SH3BP2: variants seen among roughly 807,000 people sequenced by gnomAD.
SH3BP2 encodes the protein SH3 domain binding protein 2.
SH3BP2 carries 38 observed loss-of-function variants against 56.2 expected under a neutral mutation model. The observed-to-expected ratio is 0.68, with a 90% CI of 0.52 to 0.89. The LOEUF (loss-of-function observed/expected upper bound fraction) is 0.89, where lower values mean the gene tolerates loss of function less well. SH3BP2 is among the 40% of genes least tolerant of loss of function. The pLI, the probability that SH3BP2 is intolerant of heterozygous loss-of-function variation, is 0.00. For synonymous variants in SH3BP2, 346 were observed against 316.7 expected, an observed-to-expected ratio of 1.09 and a Z score of -0.98; for missense variants, 748 against 762.6, an observed-to-expected ratio of 0.98 and a Z score of 0.23.
chr4:2,793,475 G>A (rs1199989484), intron 1 of SH3BP2, among the ~76,000 whole-genome samples: 1 of 151,276 alleles, frequency 6.6e-6, no homozygotes, highest in Non-Finnish European at 1.5e-5. Context: ...ACGGGGCCTG[G>A]GCACGGCGGG....
At chr4:2,812,626 G>A (rs1723802139) in intron 1 of SH3BP2, 2 of 1,057,846 alleles carry the variant, frequency 1.9e-6, no homozygotes, top group Non-Finnish European at 2.7e-6. Flanking sequence ...CCTGCAAAAG[G>A]CAACAGGCTC....
At chr4:2,828,635 C>A (rs569319047) in intron 7 of SH3BP2, among the ~76,000 whole-genome samples, 1 of 152,382 alleles carries the variant, frequency 6.6e-6, no homozygotes, top group African/African-American at 2.4e-5. Context: ...CTCCGTCTGC[C>A]CAGCCCTGAG....
In SH3BP2 at chr4:2,838,862, A is replaced by C. The variant is rs539589291; in HGVS notation, c.*5028A>C. ...GTGTGTTTTTTGCAAATGGTGCACAAATTTTTCTAGGGTTTGTACTCAGGA... is the reference window on the plus strand; with the variant it reads ...GTGTGTTTTTTGCAAATGGTGCACACATTTTTCTAGGGTTTGTACTCAGGA... On this transcript the variant is annotated 3_prime_UTR_variant, in exon 13 of 13. Coordinates refer to ENST00000503393, the MANE Select transcript of SH3BP2 (RefSeq NM_001122681.2). 8 of 152,140 alleles carry C rather than the reference A, an allele frequency of 5.3e-5. No homozygotes were observed. Among genetic ancestry groups the C allele is most frequent in the African/African-American group, 1.9e-4 (8 of 41,490 alleles). The allele number at this position is 152,140 out of a possible 1,614,324, so 9.4% of individuals were successfully genotyped here. A position where few individuals can be genotyped will look rare whatever the true frequency, so the allele number is the denominator to read the frequency against.
chr4:2,828,533 C>T (rs529984112), intron 7 of SH3BP2, among the ~76,000 whole-genome samples: 1 of 152,320 alleles, frequency 6.6e-6, no homozygotes, highest in East Asian at 1.9e-4. Context: ...ATGCAGAGCT[C>T]TTGTCTCACA....
chr4:2,818,663 G>T, intron 1 of SH3BP2: 10 of 978,410 alleles, frequency 1.0e-5, no homozygotes, highest in Non-Finnish European at 1.2e-5. Flanking sequence ...GGGCTCCTTC[G>T]GGCCGGGCGC....
chr4:2,818,623 C>T (rs978681363), intron 1 of SH3BP2: 143 of 741,664 alleles, frequency 1.9e-4, no homozygotes, highest in Middle Eastern at 6.0e-4. Flanking sequence ...GCGGACTGGG[C>T]ACGGGGCTCC....
At chr4:2,802,442 G>GTA (rs1553802025) in intron 1 of SH3BP2, among the ~76,000 whole-genome samples, 1 of 142,682 alleles carries the variant, frequency 7.0e-6, no homozygotes, top group African/African-American at 2.6e-5. Flanking sequence ...GTGTGTGTGT[G>GTA]TATGTATATA....
In SH3BP2 at chr4:2,833,963, G is replaced by A; in HGVS notation, c.*129G>A. The stretch of plus-strand genomic sequence containing the variant: ...TGTGCTTGCCTAGGGCCTCTGTGAT[G>A]GACATCTCGTAGGACCCAGCCAGTC... On this transcript the variant is annotated 3_prime_UTR_variant, in exon 13 of 13. Coordinates refer to ENST00000503393, the MANE Select transcript of SH3BP2 (RefSeq NM_001122681.2). 25 of 1,151,162 alleles carry A rather than the reference G, an allele frequency of 2.2e-5. No homozygotes were observed. The highest frequency in any genetic ancestry group is 2.9e-5 in the Non-Finnish European group (24 of 830,312). 71.3% of individuals were successfully genotyped at this position (1,151,162 alleles called of 1,614,324 possible). A position where few individuals can be genotyped will look rare whatever the true frequency, so the allele number is the denominator to read the frequency against.
chr4:2,818,124 G>T, intron 1 of SH3BP2: 2 of 712,090 alleles, frequency 2.8e-6, no homozygotes, highest in Non-Finnish European at 3.4e-6. Flanking sequence ...GACGCGGCAG[G>T]GGGCGGGGCC....
rs529764868 is a variant in SH3BP2, at chr4:2,812,340, G to A, written c.-4-8274G>A. 68 of 1,549,962 alleles carry A rather than the reference G, an allele frequency of 4.4e-5. No homozygotes were observed. The East Asian group carries it at 1.5e-3, about 33-fold the overall frequency. On this transcript the variant is annotated intron_variant, in intron 1 of 12. Transcript: ENST00000503393. Reference sequence around the variant, plus strand: ...GCACAGCTGTGGGGCAGCCAGGCGCGTCAGGCCTCACATGTCTGGGAGATG... The same window carrying A: ...GCACAGCTGTGGGGCAGCCAGGCGCATCAGGCCTCACATGTCTGGGAGATG...
At chr4:2,816,747 T>A (rs1303512071) in intron 1 of SH3BP2, among the ~76,000 whole-genome samples, 1 of 152,242 alleles carries the variant, frequency 6.6e-6, no homozygotes, top group East Asian at 1.9e-4. Flanking sequence ...TTAATTGTTT[T>A]GAATATTAAA....
intron 5 of SH3BP2, 42 bp from the exon 6 acceptor site, chr4:2,827,188 G>T (rs751246291): frequency 6.4e-7 from 1 of 1,555,752 alleles, no homozygotes; most frequent in Non-Finnish European, 8.9e-7. Flanking sequence ...GACCTCCCAG[G>T]CCTGGTGCTC....
rs374788058 is a variant in SH3BP2 at position 2,829,930 on chromosome 4, C to T, written c.1024C>T (p.Arg342Ter). 5.6e-6 allele frequency: 9 copies of T among 1,613,658 alleles called. No homozygotes were observed. Among genetic ancestry groups the T allele is most frequent in the East Asian group, 2.2e-5 (1 of 44,880 alleles). Residue 342 changes from arginine to a stop codon, truncating the protein, a stop_gained, in exon 8 of 13, where the codon CGA becomes TGA. Coordinates refer to ENST00000503393, the MANE Select transcript of SH3BP2 (RefSeq NM_001122681.2). LOFTEE classifies it high-confidence loss of function. This position sits in a 1 kb window ranked among gnomAD's most constrained non-coding sequence, Gnocchi z 4.9. Reference sequence around the variant, plus strand: ...ACTCAAGTCCTTCCACCTGTCCCCCCGAGGACCACCCACATCTGAGCCCCC... The same window carrying T: ...ACTCAAGTCCTTCCACCTGTCCCCCTGAGGACCACCCACATCTGAGCCCCC... ...DKLKSFHLSP[R>*]GPPTSEPPPV...
intron 1 of SH3BP2, chr4:2,809,798 C>T (rs1246074440): frequency 3.0e-6 from 3 of 985,588 alleles, no homozygotes; most frequent in Non-Finnish European, 3.6e-6. Flanking sequence ...TGGCCCTCTG[C>T]CTGCCCTGCT....
At chr4:2,797,037 C>A (rs1723088588) in intron 1 of SH3BP2, among the ~76,000 whole-genome samples, 1 of 152,174 alleles carries the variant, frequency 6.6e-6, no homozygotes, top group African/African-American at 2.4e-5. Context: ...GCCTCCCTGC[C>A]CTTGACACTG....
At chr4:2,804,272 C>T (rs1158433403) in intron 1 of SH3BP2, among the ~76,000 whole-genome samples, 2 of 152,206 alleles carry the variant, frequency 1.3e-5, no homozygotes, top group African/African-American at 2.4e-5. Flanking sequence ...AGCACTAAGT[C>T]CTGGGTCCAG....
chr4:2,827,190 C>G (rs754604492), intron 5 of SH3BP2, 40 bp from the exon 6 acceptor site: 8 of 1,564,380 alleles, frequency 5.1e-6, no homozygotes, highest in Non-Finnish European at 6.2e-6. Context: ...CCTCCCAGGC[C>G]TGGTGCTCAC....
intron 1 of SH3BP2, chr4:2,818,298 C>A (rs1451269139): frequency 2.8e-6 from 3 of 1,065,970 alleles, no homozygotes; most frequent in Non-Finnish European, 3.4e-6. Context: ...CGGCGGCGGC[C>A]GGGGGACGCG....
intron 12 of SH3BP2, 183 bp from the exon 13 acceptor site, chr4:2,833,514 G>A (rs545574325): frequency 5.7e-6 from 4 of 706,044 alleles, no homozygotes; most frequent in Admixed American, 2.2e-5. Flanking sequence ...GGGAAGTGAG[G>A]TGGGAACATG....
Sources: allele counts gnomAD v4.1 joint callset (sites outside exome capture counted in the v4.1 genomes callset), GRCh38; gene constraint gnomAD v4.1.1; non-coding constraint Gnocchi (gnomAD v3.1); transcripts MANE v1.5; gene names NCBI Gene and HGNC (gene_info 2026-07-23, HGNC 2026-07-21).